NAPSA: variants seen among roughly 807,000 people sequenced by gnomAD.
NAPSA encodes napsin A aspartic peptidase.
A neutral mutation model predicts 36.7 loss-of-function variants in NAPSA; 37 were observed. The ratio of observed to expected loss-of-function variants is 1.01; its 90% CI spans 0.78 to 1.33. The LOEUF is 1.33. NAPSA is among the 40% of genes most tolerant of loss of function. NAPSA has a pLI of 0.00. For missense variants in NAPSA, 532 were observed against 543.8 expected (o/e 0.98, Z 0.21); for synonymous variants, 222 against 234.5 (o/e 0.95, Z 0.49).
chr19:50,361,580 C>T, intron 4 of NAPSA, 83 bp downstream of exon 4: 2 of 1,237,676 alleles, frequency 1.6e-6, no homozygotes, highest in African/African-American at 1.5e-5. Context: ...GAAGCTCCTC[C>T]TCGAGCCTCT....
upstream of NAPSA, chr19:50,369,138 T>G (rs942097301): frequency 6.6e-6 from 1 of 152,144 alleles, no homozygotes; most frequent in Non-Finnish European, 1.5e-5. Context: ...ATTGCCAGAT[T>G]TTTAAACCCG....
upstream of NAPSA, among the ~76,000 whole-genome samples, chr19:50,366,188 G>C (rs536817649): frequency 6.6e-6 from 1 of 150,784 alleles, no homozygotes; most frequent in African/African-American, 2.4e-5. Flanking sequence ...TTTGTTTTTT[G>C]GTTTTTTTTT....
intron 4 of NAPSA, 80 bp downstream of exon 4, chr19:50,361,583 G>A (rs2037473640): frequency 3.2e-6 from 4 of 1,264,416 alleles, no homozygotes; most frequent in South Asian, 1.2e-5. Context: ...GCTCCTCCTC[G>A]AGCCTCTTCC....
intron 5 of NAPSA, among the ~76,000 whole-genome samples, chr19:50,360,081 G>A (rs1260022379): frequency 6.6e-6 from 1 of 152,184 alleles, no homozygotes; most frequent in Non-Finnish European, 1.5e-5. Context: ...AAGTGAAGAC[G>A]AGACTTCATT....
Position 50,361,755 on chromosome 19 carries a change from C to A in NAPSA, c.376G>T (p.Ala126Ser). Residue 126 changes from alanine (A) to serine (S), a missense_variant, in exon 4 of 9, where the codon GCC (alanine) becomes TCC (serine). By Grantham distance (99) the Ala-to-Ser change is moderately conservative. Coordinates refer to ENST00000253719, the MANE Select transcript of NAPSA (RefSeq NM_004851.3). ...CWLHHRFDPKASSSFQANGTK... is the reference protein window; with the variant it reads ...CWLHHRFDPKSSSSFQANGTK... ...CCATTGGCCTGGAAGGAGCTAGAGGCTTTGGGATCAAATCGGTGGTGTAAC... is the reference window on the plus strand; with the variant it reads ...CCATTGGCCTGGAAGGAGCTAGAGGATTTGGGATCAAATCGGTGGTGTAAC... 6.2e-7 allele frequency: 1 copy of A among 1,614,152 alleles called. No individual in the cohort carries two copies. The highest frequency in any genetic ancestry group is 8.5e-7 in the Non-Finnish European group (1 of 1,180,040).
intron 4 of NAPSA, 78 bp downstream of exon 4, chr19:50,361,585 G>A: frequency 1.6e-6 from 2 of 1,283,870 alleles, no homozygotes; most frequent in South Asian, 2.4e-5. Flanking sequence ...TCCTCCTCGA[G>A]CCTCTTCCTA....
Position 50,358,610 on chromosome 19 carries a change from G to T in NAPSA, c.1206C>A (p.Arg402=), listed in dbSNP as rs1383502291. 1 of 1,612,080 alleles carries T rather than the reference G, an allele frequency of 6.2e-7. No homozygotes were observed. Among genetic ancestry groups the T allele is most frequent in the Non-Finnish European group, 8.5e-7 (1 of 1,179,656 alleles). Residue 402 remains arginine (R), a synonymous_variant, in exon 9 of 9, where the codon CGC becomes CGA. Coordinates refer to ENST00000253719, the MANE Select transcript of NAPSA (RefSeq NM_004851.3). ...CCCATCCGAGGTCCGCTCCGCGAGT[G>T]CGAGCGCGCGCCAGGCCCACCCGGG... is the stretch of plus-strand genomic sequence containing the variant. ...SSARVGLARA[R]TRGADLGWGE...
chr19:50,362,135 G>A, intron 2 of NAPSA, 37 bp downstream of exon 2: 1 of 1,613,314 alleles, frequency 6.2e-7, no homozygotes, highest in South Asian at 1.1e-5. Flanking sequence ...TTGGCTCAAG[G>A]GCGCAGGGGT....
chr19:50,362,099 G>A lies in NAPSA; in HGVS notation c.226-7C>T, dbSNP rs763073284. On this transcript the variant is annotated splice_region_variant and splice_polypyrimidine_tract_variant and intron_variant, in intron 2 of 8. Coordinates refer to ENST00000253719, the MANE Select transcript of NAPSA (RefSeq NM_004851.3). ...TTTCCCCAAAATACTGCACCTGATAGCAAAAGAGGAGAGTAAACGAAGAGT... is the reference window on the plus strand; with the variant it reads ...TTTCCCCAAAATACTGCACCTGATAACAAAAGAGGAGAGTAAACGAAGAGT... 12 of 1,614,094 alleles carry A rather than the reference G, an allele frequency of 7.4e-6. No homozygotes were observed. Among genetic ancestry groups the A allele is most frequent in the Non-Finnish European group, 1.0e-5 (12 of 1,179,962 alleles).
chr19:50,360,840 CTG>C, intron 5 of NAPSA, 99 bp downstream of exon 5: 1 of 1,200,042 alleles, frequency 8.3e-7, no homozygotes, highest in Non-Finnish European at 1.2e-6. Context: ...GTGGGTGACT[CTG>C]AGAATGAGAA....
At chr19:50,366,936 C>T (rs138924824), upstream of NAPSA, among the ~76,000 whole-genome samples, 687 of 151,724 alleles carry the variant, frequency 4.5e-3, 5 homozygotes, top group African/African-American at 0.014. Flanking sequence ...TGAGTTCAAG[C>T]GATTGTCCTG....
rs775366354 is a variant in NAPSA, at chr19:50,362,001, G to A, written c.317C>T (p.Ser106Phe). The part of the protein sequence containing the change: ...DTGSSNLWVP[S>F]RRCHFFSVPC... ...CACACTGAAGAAGTGGCATCTCCTGGACGGGACCCAGAGATTGGAGGAGCC... is the reference window on the plus strand; with the variant it reads ...CACACTGAAGAAGTGGCATCTCCTGAACGGGACCCAGAGATTGGAGGAGCC... The change falls in exon 3 of 9, where the codon TCC becomes TTC. Residue 106 changes from serine (S) to phenylalanine (F), a missense_variant. Ser to Phe is a radical substitution (Grantham distance 155). This residue lies in a region of NAPSA where 45 missense variants were observed against 78.7 expected (regional missense o/e 0.57). Transcript: ENST00000253719. The A allele has an allele frequency of 1.9e-6, 3 of 1,604,232 alleles. No homozygotes were observed. Among genetic ancestry groups the A allele is most frequent in the African/African-American group, 1.3e-5 (1 of 74,760 alleles).
chr19:50,366,096 T>A (rs1335021502), upstream of NAPSA: 3 of 152,704 alleles, frequency 2.0e-5, no homozygotes. Flanking sequence ...ACCCAGTCTC[T>A]TACTGTTTTA....
chr19:50,366,859 G>C (rs1008600482), upstream of NAPSA, among the ~76,000 whole-genome samples: 2 of 147,098 alleles, frequency 1.4e-5, no homozygotes, highest in African/African-American at 5.1e-5. Context: ...TTGAGATGGA[G>C]TTTCACTCTT....
At position 50,360,993 on chromosome 19, in the gene NAPSA, G is replaced by T. The variant is rs770567108; in HGVS notation, c.616C>A (p.Leu206Met). 1.2e-6 allele frequency: 2 copies of T among 1,614,152 alleles called. No individual in the cohort carries two copies. Among genetic ancestry groups the T allele is most frequent in the Non-Finnish European group, 1.7e-6 (2 of 1,180,038 alleles). Residue 206 changes from leucine to methionine, a missense_variant, in exon 5 of 9, where the codon CTG becomes ATG. Coordinates refer to ENST00000253719, the MANE Select transcript of NAPSA (RefSeq NM_004851.3). ...TTATCCAATAGCCCCTGCTCCACCA[G>T]TACATCCATCGGGGGCCGAACTCCT... is the stretch of plus-strand genomic sequence containing the variant. ...VEGVRPPMDV[L>M]VEQGLLDKPV...
Position 50,359,825 on chromosome 19 carries a change from C to A in NAPSA, c.706G>T (p.Gly236Trp). Residue 236 changes from glycine to tryptophan, a missense_variant, in exon 6 of 9, where the codon GGG becomes TGG. By Grantham distance (184) the Gly-to-Trp change is radical (BLOSUM62 -2). This residue lies in a region of NAPSA where 385 missense variants were observed against 371.5 expected (regional missense o/e 1.04). Coordinates refer to ENST00000253719, the MANE Select transcript of NAPSA (RefSeq NM_004851.3). ...EEPDGGELVL[G>W]GSDPAHYIPP... ...ATGTAGTGTGCCGGGTCCGAGCCCC[C>A]CAGGACCAGCTCTCCTCCATCAGGC... is the stretch of plus-strand genomic sequence containing the variant. 6.2e-7 allele frequency: 1 copy of A among 1,613,852 alleles called. No individual in the cohort carries two copies. Among genetic ancestry groups the A allele is most frequent in the Non-Finnish European group, 8.5e-7 (1 of 1,179,940 alleles).
In NAPSA at chr19:50,361,690, A is replaced by G. The variant is rs368961358; in HGVS notation, c.441T>C (p.Asp147=). 1.9e-6 allele frequency: 3 copies of G among 1,613,998 alleles called. No homozygotes were observed. Among genetic ancestry groups the G allele is most frequent in the Non-Finnish European group, 2.5e-6 (3 of 1,180,000 alleles). ...TCAGCTTGTCCTCGCTCAGGATTCC[A>G]TCTACCCGCCCAGTTCCATATTGAA... is the stretch of plus-strand genomic sequence containing the variant. ...FAIQYGTGRV[D]GILSEDKLTI... Residue 147 remains aspartate, a synonymous_variant, in exon 4 of 9, where the codon GAT becomes GAC. Coordinates refer to ENST00000253719, the MANE Select transcript of NAPSA (RefSeq NM_004851.3).
intron 7 of NAPSA, 119 bp downstream of exon 7, chr19:50,359,384 A>G: frequency 7.4e-7 from 1 of 1,357,672 alleles, no homozygotes; most frequent in Non-Finnish European, 1.0e-6. Flanking sequence ...CACGAAGTCC[A>G]GTGCCTGCTG....
chr19:50,368,815 C>A (rs947075850), upstream of NAPSA, among the ~76,000 whole-genome samples: 21 of 152,236 alleles, frequency 1.4e-4, no homozygotes, highest in African/African-American at 4.8e-4. Flanking sequence ...AGAGCTGGAC[C>A]CCTGGAACAC....
Sources: gnomAD v4.1 joint callset for allele counts (sites outside exome capture counted in the v4.1 genomes callset) on GRCh38, gnomAD v4.1.1 for gene constraint, gnomAD v4.1.1 regional missense constraint, MANE v1.5 for transcripts, NCBI Gene and HGNC (gene_info 2026-07-23, HGNC 2026-07-21) for gene names.